RABGAP1L: variants seen among roughly 807,000 people sequenced by gnomAD.
The protein encoded by RABGAP1L is RAB GTPase activating protein 1 like.
Under a neutral mutation model 137.7 loss-of-function variants are expected in RABGAP1L, and 63 were observed. The ratio of observed to expected loss-of-function variants is 0.46; its 90% confidence interval spans 0.37 to 0.56. The LOEUF (loss-of-function observed/expected upper bound fraction) is 0.56. Ranked by LOEUF, RABGAP1L falls within the 20% of genes least tolerant of loss-of-function variation. RABGAP1L has a pLI of 0.00. For synonymous variants in RABGAP1L, 431 were observed against 433.7 expected (o/e 0.99, Z 0.08); for missense variants, 1,095 against 1,244.0 (o/e 0.88, Z 1.80).
Position 174,241,550 on chromosome 1 carries a change from C to T in RABGAP1L, c.610C>T (p.Arg204Cys), listed in dbSNP as rs765110857. 22 of 1,612,804 alleles carry T rather than the reference C, an allele frequency of 1.4e-5. No homozygotes were observed. The highest frequency in any genetic ancestry group is 8.3e-5 in the Admixed American group (5 of 59,964). ...AATCTATAAGGTGTTATTCTGTGCA[C>T]GTGGACATGACGGAACAACAGAGAG... Reference protein sequence around the residue: ...FPIYKVLFCARGHDGTTESNC... With the variant: ...FPIYKVLFCACGHDGTTESNC... The change falls in exon 5 of 26, where the codon CGT becomes TGT. Residue 204 changes from arginine to cysteine, a missense_variant. By Grantham distance (180) the Arg-to-Cys change is radical (BLOSUM62 -3). Around this residue, in one of 4 missense-constraint regions of RABGAP1L, gnomAD observed 356 missense variants for 326.3 expected, o/e 1.09. Transcript: ENST00000681986.
chr1:174,470,888 A>C (rs148941119), intron 13 of RABGAP1L, among the ~76,000 whole-genome samples: 153 of 152,354 alleles, frequency 1.0e-3, no homozygotes, highest in African/African-American at 3.3e-3. Context: ...CCCTAGCCAA[A>C]TTAACTAGCC....
In RABGAP1L at chr1:174,623,451, A is replaced by T. The variant is rs571742578; in HGVS notation, c.1711-13924A>T. 2.6e-5 allele frequency among the ~76,000 whole-genome samples: 4 copies of T among 152,346 alleles called. No individual in the cohort carries two copies. In the South Asian group the frequency reaches 8.3e-4, roughly 32 times the overall value. ...TCATGGAAGCTGACAGAAAGCTGTTATACTCATAGTTACAGTGTATTACAA... is the reference window on the plus strand; with the variant it reads ...TCATGGAAGCTGACAGAAAGCTGTTTTACTCATAGTTACAGTGTATTACAA... On this transcript the variant is annotated intron_variant, in intron 13 of 25. Transcript: ENST00000681986.
chr1:174,252,070 T>G (rs558883912), intron 6 of RABGAP1L, among the ~76,000 whole-genome samples: 1 of 152,188 alleles, frequency 6.6e-6, no homozygotes, highest in South Asian at 2.1e-4. Flanking sequence ...AATTTTTGTA[T>G]TTTTAGTAGA....
chr1:174,501,216 CTT>C (rs1371987716), intron 13 of RABGAP1L, among the ~76,000 whole-genome samples: 15 of 140,932 alleles, frequency 1.1e-4, no homozygotes, highest in Non-Finnish European at 1.1e-4. Flanking sequence ...TTTGTTTACT[CTT>C]TTTTTTTTTT....
intron 13 of RABGAP1L, among the ~76,000 whole-genome samples, chr1:174,625,485 G>A (rs1196028367): frequency 1.3e-5 from 2 of 152,168 alleles, no homozygotes; most frequent in Middle Eastern, 3.2e-3. Flanking sequence ...CCAGGCTGGA[G>A]TGCAGTGGCA....
rs997331133 is a variant in RABGAP1L at position 174,448,417 on chromosome 1, C to G, written c.1710+54272C>G. On this transcript the variant is annotated intron_variant, in intron 13 of 25. Coordinates refer to ENST00000681986, the MANE Select transcript of RABGAP1L (RefSeq NM_001366446.1). This position sits in a 1 kb window ranked among gnomAD's most constrained non-coding sequence, Gnocchi z 4.2. The stretch of plus-strand genomic sequence containing the variant: ...GCTTGGTTCCTACTCTGTCACTTCT[C>G]CACTACTCCACAGGTGTCCACGAGT... The G allele has an allele frequency of 1.2e-6, 2 of 1,612,522 alleles. No homozygotes were observed. The highest frequency in any genetic ancestry group is 1.1e-5 in the South Asian group (1 of 91,048).
At chr1:174,341,500 A>G (rs1192748352) in intron 11 of RABGAP1L, among the ~76,000 whole-genome samples, 2 of 152,198 alleles carry the variant, frequency 1.3e-5, no homozygotes, top group African/African-American at 2.4e-5. Context: ...CAGTTTAACA[A>G]CTTGGATGAA....
At chr1:174,656,274 A>T (rs1675965813) in intron 14 of RABGAP1L, among the ~76,000 whole-genome samples, 1 of 152,186 alleles carries the variant, frequency 6.6e-6, no homozygotes, top group Non-Finnish European at 1.5e-5. Flanking sequence ...CTGTTCCAAC[A>T]TGGTGAAACT....
rs574518839 is a variant in RABGAP1L at position 174,639,998 on chromosome 1, A to T, written c.1824+2510A>T. On this transcript the variant is annotated intron_variant, in intron 14 of 25. Transcript: ENST00000681986. ...TATATCTGAGATACTTTATTATCGAAAAGTAGCTTAAATCACACTAAATTT... is the reference window on the plus strand; with the variant it reads ...TATATCTGAGATACTTTATTATCGATAAGTAGCTTAAATCACACTAAATTT... Among the ~76,000 whole-genome samples the T allele has an allele frequency of 2.0e-5, 3 of 152,334 alleles. No individual in the cohort carries two copies. In the East Asian group the frequency reaches 5.8e-4, roughly 29 times the overall value.
intron 19 of RABGAP1L, among the ~76,000 whole-genome samples, chr1:174,819,572 T>C (rs1161103700): frequency 6.6e-6 from 1 of 152,234 alleles, no homozygotes; most frequent in East Asian, 1.9e-4. Flanking sequence ...CAAAGGAACC[T>C]GACCTTGACT....
intron 7 of RABGAP1L, among the ~76,000 whole-genome samples, chr1:174,269,346 T>C (rs551122023): frequency 1.5e-4 from 23 of 152,374 alleles, no homozygotes; most frequent in African/African-American, 4.6e-4. Context: ...TTGAGGTTTG[T>C]GATTTGCCCA....
At chr1:174,635,209 C>T (rs184650652) in intron 13 of RABGAP1L, among the ~76,000 whole-genome samples, 1 of 152,126 alleles carries the variant, frequency 6.6e-6, no homozygotes, top group Admixed American at 6.5e-5. Context: ...TAATCAGTTC[C>T]TAGGGAATAC....
chr1:174,307,002 AGCTAATATTTATTTAGTGCTT>A (rs1678330346), intron 11 of RABGAP1L, among the ~76,000 whole-genome samples: 1 of 152,116 alleles, frequency 6.6e-6, no homozygotes, highest in Non-Finnish European at 1.5e-5. Flanking sequence ...AATTATTTTT[AGCTAATATTTATTTAGTGCTT>A]ACTATATGCT....
At chr1:174,661,795 ACTC>A (rs1676390225) in intron 14 of RABGAP1L, among the ~76,000 whole-genome samples, 1 of 151,300 alleles carries the variant, frequency 6.6e-6, no homozygotes, top group African/African-American at 2.4e-5. Flanking sequence ...GAGCTGAAAA[ACTC>A]CTATCACCCA....
chr1:174,170,366 A>G (rs1665256768), intron 1 of RABGAP1L, among the ~76,000 whole-genome samples: 1 of 152,128 alleles, frequency 6.6e-6, no homozygotes, highest in Non-Finnish European at 1.5e-5. Context: ...GCAGGATTAG[A>G]GAACTTCAGT....
At position 174,437,963 on chromosome 1, in the gene RABGAP1L, C is replaced by T. The variant is rs553954464; in HGVS notation, c.1710+43818C>T. Among the ~76,000 whole-genome samples, 3 of 152,248 alleles carry T rather than the reference C, an allele frequency of 2.0e-5. No individual in the cohort carries two copies. The East Asian group carries it at 5.8e-4, about 29-fold the overall frequency. ...TTCAACCCAGAATTTCATATCCAGC[C>T]AAACTAAGCTTCATAAGTGAAGGAG... On this transcript the variant is annotated intron_variant, in intron 13 of 25. Coordinates refer to ENST00000681986, the MANE Select transcript of RABGAP1L (RefSeq NM_001366446.1).
At chr1:174,705,097 T>A (rs1034658089) in intron 17 of RABGAP1L, 2 of 152,132 alleles carry the variant, frequency 1.3e-5, no homozygotes, top group East Asian at 1.9e-4. Flanking sequence ...AAGAGATTAA[T>A]TTCATACTAG....
intron 1 of RABGAP1L, among the ~76,000 whole-genome samples, chr1:174,164,354 A>G (rs912666012): frequency 5.9e-5 from 9 of 152,254 alleles, no homozygotes; most frequent in South Asian, 2.1e-4. Context: ...TGTAGTATAC[A>G]TGAAGGACAC....
At chr1:174,223,315 C>T (rs1571626003) in intron 3 of RABGAP1L, among the ~76,000 whole-genome samples, 1 of 105,420 alleles carries the variant, frequency 9.5e-6, no homozygotes, top group Admixed American at 1.1e-4. Context: ...GGGTGGTGAA[C>T]ACTTGAAATT....
Sources: gnomAD v4.1 joint callset for allele counts (sites outside exome capture counted in the v4.1 genomes callset) on GRCh38, gnomAD v4.1.1 for gene constraint, gnomAD v4.1.1 regional missense constraint, Gnocchi (gnomAD v3.1) non-coding constraint, MANE v1.5 for transcripts, NCBI Gene and HGNC (gene_info 2026-07-23, HGNC 2026-07-21) for gene names.